Variants in NCKAP5 observed in about 807,000 individuals in gnomAD.
The protein encoded by NCKAP5 is nck-associated protein 5.
Under a neutral mutation model 167.0 loss-of-function variants are expected in NCKAP5, and 92 were observed. That is an observed-to-expected ratio of 0.55 (90% CI 0.47 to 0.66). The LOEUF (loss-of-function observed/expected upper bound fraction) is 0.66, where lower values mean the gene tolerates loss of function less well. Ranked by LOEUF, NCKAP5 falls within the 30% of genes least tolerant of loss-of-function variation. NCKAP5 has a pLI of 0.00. For synonymous variants in NCKAP5, 891 were observed against 877.4 expected (o/e 1.02, Z -0.27); for missense variants, 2,378 against 2,315.0 (o/e 1.03, Z -0.56).
intron 4 of NCKAP5, among the ~76,000 whole-genome samples, chr2:133,261,945 T>C (rs899924226): frequency 2.0e-5 from 3 of 152,164 alleles, no homozygotes; most frequent in African/African-American, 7.2e-5. Flanking sequence ...CTATTAATGA[T>C]TGTTCTCTGT....
chr2:133,334,358 G>T (rs989684481), intron 3 of NCKAP5, among the ~76,000 whole-genome samples: 1 of 152,130 alleles, frequency 6.6e-6, no homozygotes, highest in Non-Finnish European at 1.5e-5. Context: ...TGGTGGTAAA[G>T]TATCTGTCAT....
chr2:133,308,873 G>T (rs534026332), intron 3 of NCKAP5, among the ~76,000 whole-genome samples: 24 of 149,320 alleles, frequency 1.6e-4, no homozygotes, highest in Middle Eastern at 3.4e-3. Context: ...ACCGCGCCCG[G>T]CTAATTTTTT....
At chr2:133,616,667 A>G in the NCKAP5 span, among the ~76,000 whole-genome samples, 6,581 of 152,056 alleles carry the variant, frequency 0.043, 454 homozygotes, top group African/African-American at 0.15. Flanking sequence ...TCAATAGCTT[A>G]CCAACCAAAA....
chr2:133,316,139 C>G (rs1361245294), intron 3 of NCKAP5, among the ~76,000 whole-genome samples: 1 of 152,132 alleles, frequency 6.6e-6, no homozygotes. Flanking sequence ...GTCTCCCAAA[C>G]AGAATTTCTG....
chr2:132,772,153 G>A (rs1024428182), intron 16 of NCKAP5, among the ~76,000 whole-genome samples: 14 of 152,058 alleles, frequency 9.2e-5, no homozygotes. Flanking sequence ...GCCTAGGTAT[G>A]TAGTAGGCTA....
intron 6 of NCKAP5, among the ~76,000 whole-genome samples, chr2:133,047,375 A>G (rs1192057522): frequency 6.6e-6 from 1 of 152,350 alleles, no homozygotes; most frequent in East Asian, 1.9e-4. Context: ...ATAGTCATTA[A>G]CGTTGCCAAG....
intron 8 of NCKAP5, among the ~76,000 whole-genome samples, chr2:132,919,629 G>A (rs547573998): frequency 5.3e-5 from 8 of 152,038 alleles, no homozygotes; most frequent in Non-Finnish European, 1.2e-4. Context: ...AAAGAAATCA[G>A]ATCAGCAACG....
At chr2:132,969,572 C>A (rs2076770920) in intron 7 of NCKAP5, among the ~76,000 whole-genome samples, 1 of 152,134 alleles carries the variant, frequency 6.6e-6, no homozygotes, top group South Asian at 2.1e-4. Context: ...TTAGTTGAGG[C>A]CAGCTCTTGA....
At chr2:133,093,640 A>G (rs1361385606) in intron 6 of NCKAP5, among the ~76,000 whole-genome samples, 1 of 152,208 alleles carries the variant, frequency 6.6e-6, no homozygotes, top group Non-Finnish European at 1.5e-5. Flanking sequence ...TAAATGGTAA[A>G]GGAGGGAGCA....
intron 11 of NCKAP5, among the ~76,000 whole-genome samples, chr2:132,841,579 A>T (rs974878046): frequency 6.6e-6 from 1 of 152,024 alleles, no homozygotes; most frequent in African/African-American, 2.4e-5. Flanking sequence ...TAGTGGCATT[A>T]TTATTTCCAG....
chr2:133,225,754 C>T (rs1276817733), intron 4 of NCKAP5, among the ~76,000 whole-genome samples: 1 of 142,392 alleles, frequency 7.0e-6, no homozygotes, highest in Non-Finnish European at 1.5e-5. Flanking sequence ...ACTGGGATCA[C>T]AGGTGTGGGT....
rs7594652 is a variant in NCKAP5 at position 132,672,964 on chromosome 2, C to A, written c.*325G>T. 4 of 100,066 alleles carry A rather than the reference C, an allele frequency of 4.0e-5. No homozygotes were observed. Among genetic ancestry groups the A allele is most frequent in the Non-Finnish European group, 6.4e-5 (4 of 62,840 alleles). The allele number at this position is 100,066 out of a possible 1,614,324, so 6.2% of individuals were successfully genotyped here. On this transcript the variant is annotated 3_prime_UTR_variant, in exon 20 of 20. Coordinates refer to ENST00000409261, the MANE Select transcript of NCKAP5 (RefSeq NM_207363.3). Reference sequence around the variant, plus strand: ...TCTCTATCAAGCGGTGCACCCCCCACCCCCCACCCATCATTTCTTAAGCGC... The same window carrying A: ...TCTCTATCAAGCGGTGCACCCCCCAACCCCCACCCATCATTTCTTAAGCGC...
At chr2:133,279,365 A>G (rs1399203308) in intron 4 of NCKAP5, among the ~76,000 whole-genome samples, 1 of 152,178 alleles carries the variant, frequency 6.6e-6, no homozygotes, top group African/African-American at 2.4e-5. Context: ...TTGGGCTTCT[A>G]CACCACTCTC....
At chr2:132,973,396 C>A (rs908431513) in intron 7 of NCKAP5, among the ~76,000 whole-genome samples, 1 of 152,166 alleles carries the variant, frequency 6.6e-6, no homozygotes, top group Non-Finnish European at 1.5e-5. Context: ...AGAAAGAAAT[C>A]TGCATTCCCT....
At chr2:132,910,337 C>A (rs973575898) in intron 8 of NCKAP5, among the ~76,000 whole-genome samples, 18 of 151,924 alleles carry the variant, frequency 1.2e-4, no homozygotes, top group Admixed American at 1.2e-3. Context: ...TTTGTGCTAT[C>A]ATATAGTAGC....
intron 6 of NCKAP5, among the ~76,000 whole-genome samples, chr2:132,995,237 T>C (rs1192685859): frequency 1.3e-5 from 2 of 152,350 alleles, no homozygotes; most frequent in African/African-American, 2.4e-5. Context: ...TTATAAACTT[T>C]TAAATTTTTA....
intron 11 of NCKAP5, among the ~76,000 whole-genome samples, chr2:132,817,940 ATTCT>A (rs1686404010): frequency 1.3e-5 from 2 of 152,172 alleles, no homozygotes; most frequent in South Asian, 4.1e-4. Context: ...TTAATGTTAA[ATTCT>A]TTATTTATTT....
intron 5 of NCKAP5, among the ~76,000 whole-genome samples, chr2:133,131,691 T>C (rs796077631): frequency 6.6e-6 from 1 of 152,326 alleles, no homozygotes; most frequent in African/African-American, 2.4e-5. Context: ...AAATCTTTAT[T>C]CTGTCACTTT....
chr2:133,025,375 G>T (rs1177075393), intron 6 of NCKAP5, among the ~76,000 whole-genome samples: 1 of 152,172 alleles, frequency 6.6e-6, no homozygotes, highest in Non-Finnish European at 1.5e-5. Flanking sequence ...CTTCTACTTT[G>T]CATGCTTCCA....
Sources: gnomAD v4.1 joint callset for allele counts (sites outside exome capture counted in the v4.1 genomes callset) on GRCh38, gnomAD v4.1.1 for gene constraint, MANE v1.5 for transcripts, NCBI Gene and HGNC (gene_info 2026-07-23, HGNC 2026-07-21) for gene names.